The following C2CD5 variants were observed in gnomAD, a reference collection of about 807,000 sequenced individuals.
C2CD5 encodes C2 calcium dependent domain containing 5, also known as C2 domain-containing protein 5.
A neutral mutation model predicts 130.3 loss-of-function variants in C2CD5; 109 were observed. The observed-to-expected ratio is 0.84, with a 90% CI of 0.72 to 0.98. The LOEUF is 0.98. Among genes scored for constraint, C2CD5 ranks in the 50% least tolerant of loss-of-function variants. C2CD5 has a pLI of 0.00. For synonymous variants in C2CD5, 454 were observed against 429.2 expected, an observed-to-expected ratio of 1.06 and a Z score of -0.71; for missense variants, 996 against 1,261.8, an observed-to-expected ratio of 0.79 and a Z score of 3.19.
At chr12:22,474,913 T>C (rs1052656261) in intron 15 of C2CD5, 22 bp from the exon 16 acceptor site, 1 of 1,515,384 alleles carries the variant, frequency 6.6e-7, no homozygotes, top group Admixed American at 2.0e-5. Context: ...ATAATTGTTT[T>C]ATATCATATG....
At chr12:22,490,576 A>G (rs1946208512) in intron 11 of C2CD5, among the ~76,000 whole-genome samples, 1 of 152,152 alleles carries the variant, frequency 6.6e-6, no homozygotes, top group African/African-American at 2.4e-5. Context: ...AAACTATATT[A>G]AAATACTCTT....
chr12:22,488,527 A>G (rs1945886652), intron 12 of C2CD5, among the ~76,000 whole-genome samples: 1 of 152,146 alleles, frequency 6.6e-6, no homozygotes, highest in African/African-American at 2.4e-5. Context: ...ATACAGAAAA[A>G]AACCAAGCTA....
rs900453936 is a variant in C2CD5, at chr12:22,484,906, A to T, written c.1359-18T>A. The T allele has an allele frequency of 2.4e-6, 3 of 1,247,518 alleles. No homozygotes were observed. Among genetic ancestry groups the T allele is most frequent in the African/African-American group, 3.1e-5 (2 of 64,136 alleles). 77.3% of individuals were successfully genotyped at this position (1,247,518 alleles called of 1,614,324 possible). A position where few individuals can be genotyped will look rare whatever the true frequency, so the allele number is the denominator to read the frequency against. On this transcript the variant is annotated intron_variant, in intron 12 of 26. Transcript: ENST00000446597. The stretch of plus-strand genomic sequence containing the variant: ...CTTCAAGCCTATATAAATAAATAAA[A>T]AAATAAGATATTCTTTAAAAATGTA...
chr12:22,490,135 C>T lies in C2CD5; in HGVS notation c.1346G>A (p.Cys449Tyr). The T allele has an allele frequency of 1.9e-6, 3 of 1,613,188 alleles. No homozygotes were observed. In the South Asian group the frequency reaches 3.3e-5, roughly 18 times the overall value. Reference sequence around the variant, plus strand: ...CTGCCATGACAACCTCTGTTCCAAACAGCCTTCCACGGTGCCATCCTGCAG... The same window carrying T: ...CTGCCATGACAACCTCTGTTCCAAATAGCCTTCCACGGTGCCATCCTGCAG... ...RFLQDGTVEG[C>Y]LEQRLEENLP... The change falls in exon 12 of 27, where the codon TGT (cysteine) becomes TAT (tyrosine). Residue 449 changes from cysteine to tyrosine, a missense_variant. Physicochemically the swap from Cys to Tyr is radical, Grantham distance 194. Around this residue, in one of 9 missense-constraint regions of C2CD5, gnomAD observed 590 missense variants for 631.4 expected, o/e 0.93. Transcript: ENST00000446597.
Position 22,484,783 on chromosome 12 carries a change from T to C in C2CD5, c.1464A>G (p.Lys488=), listed in dbSNP as rs766920763. ...TAAACAGAACATCAGGAACTTTTTG[T>C]TTCCTGCAGTTATAGCAATATGTGA... is the stretch of plus-strand genomic sequence containing the variant. ...AHLTYCYNCR[K]QKVPDVLFTT... Residue 488 remains lysine, a synonymous_variant, in exon 13 of 27, where the codon AAA becomes AAG. Coordinates refer to ENST00000446597, the MANE Select transcript of C2CD5 (RefSeq NM_001286176.2). The C allele has an allele frequency of 3.1e-6, 5 of 1,609,016 alleles. No individual in the cohort carries two copies. The highest frequency in any genetic ancestry group is 4.5e-5 in the East Asian group (2 of 44,712).
chr12:22,485,260 CA>C (rs1036063081), intron 12 of C2CD5, among the ~76,000 whole-genome samples: 2 of 151,176 alleles, frequency 1.3e-5, no homozygotes, highest in African/African-American at 4.9e-5. Flanking sequence ...AATATAACCA[CA>C]AAAAAAATTC....
chr12:22,519,064 T>C, intron 7 of C2CD5: 1 of 1,497,896 alleles, frequency 6.7e-7, no homozygotes, highest in South Asian at 1.2e-5. Flanking sequence ...CTGCAGCCAC[T>C]CTGCCCGTGG....
chr12:22,543,922 T>A, intron 2 of C2CD5, 139 bp downstream of exon 2: 1 of 651,938 alleles, frequency 1.5e-6, no homozygotes. Flanking sequence ...CGGTCATCCC[T>A]CGTGGGAGAG....
chr12:22,538,499 A>G (rs1952033959), intron 2 of C2CD5, among the ~76,000 whole-genome samples: 1 of 152,170 alleles, frequency 6.6e-6, no homozygotes, highest in East Asian at 1.9e-4. Flanking sequence ...CCAGAGGAGT[A>G]TTTACGAATA....
intron 6 of C2CD5, among the ~76,000 whole-genome samples, chr12:22,524,220 C>T (rs1950534349): frequency 6.6e-6 from 1 of 152,094 alleles, no homozygotes; most frequent in African/African-American, 2.4e-5. Flanking sequence ...CCTGAACGCC[C>T]CTTGCTCAGC....
chr12:22,544,460 T>G lies in C2CD5; in HGVS notation c.-170A>C, dbSNP rs1952756433. ...AAAGCAAAACCCAGTCAGCATCCCGTTGAGCCTCTGCCGCCCCTGCTTGTC... is the reference window on the plus strand; with the variant it reads ...AAAGCAAAACCCAGTCAGCATCCCGGTGAGCCTCTGCCGCCCCTGCTTGTC... On this transcript the variant is annotated 5_prime_UTR_variant, in exon 1 of 27. Transcript: ENST00000446597. 4.1e-6 allele frequency: 1 copy of G among 241,854 alleles called. No individual in the cohort carries two copies. The allele number at this position is 241,854 out of a possible 1,614,324, so 15.0% of individuals were successfully genotyped here. A position where few individuals can be genotyped will look rare whatever the true frequency, so the allele number is the denominator to read the frequency against.
chr12:22,500,698 ATC>A (rs1378689412), intron 10 of C2CD5, among the ~76,000 whole-genome samples: 2 of 152,124 alleles, frequency 1.3e-5, no homozygotes, highest in African/African-American at 2.4e-5. Context: ...AGCTTGCATG[ATC>A]TGTCATATTT....
rs1353652870 is a variant in C2CD5 at position 22,524,563 on chromosome 12, G to A, written c.510C>T (p.Val170=). ...TCCACTGATATTCTGGGTCTTCATT[G>A]ACCACAAGTTCTTCTACAAATCCAT... The part of the protein sequence containing the change: ...IIHGFVEELV[V]NEDPEYQWID... The change falls in exon 6 of 27, where the codon GTC becomes GTT. Residue 170 remains valine, a synonymous_variant. Transcript: ENST00000446597. 1 of 1,613,244 alleles carries A rather than the reference G, an allele frequency of 6.2e-7. No homozygotes were observed. Among genetic ancestry groups the A allele is most frequent in the East Asian group, 2.2e-5 (1 of 44,872 alleles).
chr12:22,473,932 A>G (rs2136206429), intron 16 of C2CD5, among the ~76,000 whole-genome samples: 1 of 152,180 alleles, frequency 6.6e-6, no homozygotes, highest in Middle Eastern at 3.4e-3. Flanking sequence ...TGGGGGGCAA[A>G]TAACCATATA....
intron 10 of C2CD5, among the ~76,000 whole-genome samples, chr12:22,504,313 T>C (rs1011097507): frequency 6.6e-6 from 1 of 151,516 alleles, no homozygotes; most frequent in Non-Finnish European, 1.5e-5. Flanking sequence ...TCTTTTTTTT[T>C]TTTTTTGAGA....
Position 22,471,903 on chromosome 12 carries a change from T to C in C2CD5, c.2268+64A>G, listed in dbSNP as rs569812590. 1.0e-5 allele frequency: 9 copies of C among 884,936 alleles called. No homozygotes were observed. In the East Asian group the frequency reaches 1.5e-4, roughly 14 times the overall value. 54.8% of individuals were successfully genotyped at this position (884,936 alleles called of 1,614,324 possible). ...TAAGGTATTACAGACAATACAGCAA[T>C]ATAGACACTTAAAATTTCATTATTA... is the stretch of plus-strand genomic sequence containing the variant. On this transcript the variant is annotated intron_variant, in intron 19 of 26. Transcript: ENST00000446597.
chr12:22,495,788 T>C (rs2136515882), intron 10 of C2CD5, among the ~76,000 whole-genome samples: 1 of 152,198 alleles, frequency 6.6e-6, no homozygotes, highest in East Asian at 1.9e-4. Context: ...CTTCTTAAAT[T>C]TGGTTTTTGG....
chr12:22,451,845 T>C (rs1591904985), intron 26 of C2CD5, among the ~76,000 whole-genome samples: 1 of 152,156 alleles, frequency 6.6e-6, no homozygotes, highest in African/African-American at 2.4e-5. Flanking sequence ...TTAAGAAGCA[T>C]GACTTTGTCT....
intron 19 of C2CD5, 84 bp downstream of exon 19, chr12:22,471,883 T>C (rs191385832): frequency 6.4e-6 from 5 of 786,940 alleles, no homozygotes; most frequent in Non-Finnish European, 1.1e-5. Context: ...CTGTGTAAGG[T>C]ATTACAGACA....
Sources: allele counts gnomAD v4.1 joint callset (sites outside exome capture counted in the v4.1 genomes callset), GRCh38; gene constraint gnomAD v4.1.1; regional missense constraint gnomAD v4.1.1; transcripts MANE v1.5; gene names NCBI Gene and HGNC (gene_info 2026-07-23, HGNC 2026-07-21).